IL1RAPL1: variants seen among roughly 807,000 people sequenced by gnomAD.
The protein encoded by IL1RAPL1 is interleukin 1 receptor accessory protein like 1, also known as interleukin-1 receptor accessory protein-like 1.
IL1RAPL1 carries 3 observed loss-of-function variants against 48.4 expected under a neutral mutation model. That is an observed-to-expected ratio of 0.06 (90% CI 0.03 to 0.16). The LOEUF (loss-of-function observed/expected upper bound fraction) is 0.16, where lower values mean the gene tolerates loss of function less well. Ranked by LOEUF, IL1RAPL1 falls within the 10% of genes least tolerant of loss-of-function variation. IL1RAPL1 has a pLI of 1.00. For synonymous variants in IL1RAPL1, 185 were observed against 187.7 expected (o/e 0.99, Z 0.12); for missense variants, 349 against 530.6 (o/e 0.66, Z 3.36).
intron 2 of IL1RAPL1, among the ~76,000 whole-genome samples, chrX:29,226,812 A>G (rs1931092302): frequency 9.0e-6 from 1 of 111,484 alleles, no homozygotes; most frequent in African/African-American, 3.3e-5. Context: ...GCAATTTAAT[A>G]CTACAAATAC....
intron 5 of IL1RAPL1, among the ~76,000 whole-genome samples, chrX:29,544,341 C>T (rs183703906): frequency 8.9e-5 from 10 of 112,118 alleles, no homozygotes; most frequent in South Asian, 3.7e-4. Context: ...TGATTGGATT[C>T]GTAAACGATC....
intron 1 of IL1RAPL1, among the ~76,000 whole-genome samples, chrX:28,665,127 G>A (rs1167272089): frequency 9.0e-6 from 1 of 111,594 alleles, no homozygotes; most frequent in Non-Finnish European, 1.9e-5. Flanking sequence ...CACTGCACAA[G>A]TGTATACTAC....
chrX:28,749,479 C>T (rs5985902), intron 1 of IL1RAPL1, among the ~76,000 whole-genome samples: 33,840 of 110,451 alleles, frequency 0.31, 3,887 homozygotes, highest in Middle Eastern at 0.49. Flanking sequence ...GATGGTATGT[C>T]GTTGAGGTTG....
At chrX:28,768,536 T>G (rs1441836620) in intron 1 of IL1RAPL1, among the ~76,000 whole-genome samples, 1 of 108,980 alleles carries the variant, frequency 9.2e-6, no homozygotes, top group East Asian at 2.9e-4. Context: ...TTTCCTTCAG[T>G]TCTGGAGTGT....
At chrX:28,779,628 GTGTGTGTATATATATATATATATATA>G (rs1252930879) in intron 1 of IL1RAPL1, among the ~76,000 whole-genome samples, 2 of 56,264 alleles carry the variant, frequency 3.6e-5, no homozygotes, top group African/African-American at 1.4e-4. Flanking sequence ...ATGTGTGTGT[GTGTGTGTATATATATATATATATATA>G]TATATATATA....
intron 1 of IL1RAPL1, among the ~76,000 whole-genome samples, chrX:28,720,283 C>T (rs979342524): frequency 9.0e-6 from 1 of 111,406 alleles, no homozygotes; most frequent in African/African-American, 3.3e-5. Flanking sequence ...AACTTGCTCA[C>T]ACATGCTCCT....
At chrX:29,408,111 G>T (rs1374454390) in intron 5 of IL1RAPL1, among the ~76,000 whole-genome samples, 1 of 111,366 alleles carries the variant, frequency 9.0e-6, no homozygotes, top group East Asian at 2.8e-4. Flanking sequence ...ATATCCAGAG[G>T]TGGTCCATAA....
At chrX:29,244,883 G>A (rs926621350) in intron 2 of IL1RAPL1, among the ~76,000 whole-genome samples, 1 of 110,003 alleles carries the variant, frequency 9.1e-6, no homozygotes, top group Non-Finnish European at 1.9e-5. Context: ...CCATCCACCC[G>A]TCATCTATGT....
chrX:28,762,740 A>G (rs1184878962), intron 1 of IL1RAPL1, among the ~76,000 whole-genome samples: 1 of 107,366 alleles, frequency 9.3e-6, no homozygotes, highest in Non-Finnish European at 1.9e-5. Context: ...CTGAAACTCA[A>G]CTTGAACTAG....
At chrX:29,590,057 CT>C (rs1162835065) in intron 5 of IL1RAPL1, among the ~76,000 whole-genome samples, 9 of 111,321 alleles carry the variant, frequency 8.1e-5, no homozygotes, top group African/African-American at 2.9e-4. Flanking sequence ...GCATCAACAA[CT>C]TCTGAGCAAG....
intron 2 of IL1RAPL1, among the ~76,000 whole-genome samples, chrX:28,852,338 C>CTTT (rs11437442): frequency 9.8e-6 from 1 of 101,708 alleles, no homozygotes; most frequent in African/African-American, 3.6e-5. Context: ...TAATCCATAA[C>CTTT]TTTTTTTTTT....
At chrX:29,583,036 C>T (rs1923029784) in intron 5 of IL1RAPL1, among the ~76,000 whole-genome samples, 1 of 100,132 alleles carries the variant, frequency 1.0e-5, no homozygotes, top group South Asian at 5.0e-4. Flanking sequence ...CCTATTTCTC[C>T]ACATCCTCTC....
intron 9 of IL1RAPL1, among the ~76,000 whole-genome samples, chrX:29,942,907 T>C (rs1053949125): frequency 9.0e-6 from 1 of 111,082 alleles, no homozygotes; most frequent in Non-Finnish European, 1.9e-5. Context: ...AGGCACGAGC[T>C]ACTGCACCCG....
chrX:29,136,351 T>G (rs1929127098), intron 2 of IL1RAPL1, among the ~76,000 whole-genome samples: 1 of 111,344 alleles, frequency 9.0e-6, no homozygotes, highest in Middle Eastern at 4.6e-3. Flanking sequence ...GGTCTTGATC[T>G]CCTGACCTCA....
intron 2 of IL1RAPL1, among the ~76,000 whole-genome samples, chrX:28,913,746 G>A (rs1316430693): frequency 9.0e-6 from 1 of 111,348 alleles, no homozygotes; most frequent in African/African-American, 3.3e-5. Context: ...ATCTCTTATG[G>A]CATAGAAACA....
intron 2 of IL1RAPL1, among the ~76,000 whole-genome samples, chrX:28,948,645 C>T (rs1924369724): frequency 9.0e-6 from 1 of 111,575 alleles, no homozygotes; most frequent in Non-Finnish European, 1.9e-5. Flanking sequence ...TGTAAAGCAC[C>T]TGTAACATTC....
At chrX:29,853,293 G>GACCAGCCTGTGC in intron 6 of IL1RAPL1, among the ~76,000 whole-genome samples, 1 of 106,591 alleles carries the variant, frequency 9.4e-6, no homozygotes, top group South Asian at 4.2e-4. Context: ...AGGAATTCAT[G>GACCAGCCTGTGC]ACCAGCCTGT....
At chrX:28,762,821 C>G (rs766576349) in intron 1 of IL1RAPL1, among the ~76,000 whole-genome samples, 463 of 37,269 alleles carry the variant, frequency 0.012, 4 homozygotes, top group African/African-American at 0.033. Flanking sequence ...CACACACACA[C>G]ACAGAGAGAG....
intron 1 of IL1RAPL1, among the ~76,000 whole-genome samples, chrX:28,731,814 A>G (rs774627877): frequency 8.9e-6 from 1 of 112,125 alleles, no homozygotes; most frequent in African/African-American, 3.2e-5. Flanking sequence ...TTTTTAAGAA[A>G]GATGTCAAAG....
Sources: gnomAD v4.1 joint callset for allele counts (sites outside exome capture counted in the v4.1 genomes callset) on GRCh38, gnomAD v4.1.1 for gene constraint, MANE v1.5 for transcripts, NCBI Gene and HGNC (gene_info 2026-07-23, HGNC 2026-07-21) for gene names.